The following PRPF40B variants were observed in gnomAD, a reference collection of about 807,000 sequenced individuals.
PRPF40B encodes pre-mRNA processing factor 40B, also known as pre-mRNA-processing factor 40 homolog B.
A neutral mutation model predicts 124.5 loss-of-function variants in PRPF40B; 56 were observed. That is an observed-to-expected ratio of 0.45 (90% confidence interval 0.36 to 0.56). The LOEUF is 0.56. PRPF40B is among the 20% of genes least tolerant of loss of function. The pLI is 0.00. For missense variants in PRPF40B, 1,053 were observed against 1,169.5 expected, an observed-to-expected ratio of 0.90 and a Z score of 1.45; for synonymous variants, 443 against 426.4, an observed-to-expected ratio of 1.04 and a Z score of -0.48.
intron 22 of PRPF40B, 59 bp from the exon 23 acceptor site, chr12:49,643,164 C>T (rs1942894909): frequency 1.9e-5 from 31 of 1,599,478 alleles, no homozygotes; most frequent in Middle Eastern, 3.4e-4. Context: ...AATTCCCAGA[C>T]GAGGGCTTCT....
At chr12:49,636,117 A>G (rs2138523091) in intron 15 of PRPF40B, 124 bp downstream of exon 15, 2 of 1,210,098 alleles carry the variant, frequency 1.7e-6, no homozygotes, top group South Asian at 1.5e-5. Context: ...GGAGTACTCA[A>G]CACTCACCCA....
In PRPF40B at chr12:49,642,203, G is replaced by A; in HGVS notation, c.1885-32G>A. ...TGGGACCTGGCATCCACCCTCCTGG[G>A]TGACCCTGTTCCGTGTCCCTTCTTT... On this transcript the variant is annotated intron_variant, in intron 19 of 25. Transcript: ENST00000548825. The surrounding 1 kb of genome is among the most constrained non-coding windows in gnomAD (Gnocchi z 5.8). The A allele has an allele frequency of 1.2e-6, 2 of 1,614,038 alleles. No homozygotes were observed. Among genetic ancestry groups the A allele is most frequent in the East Asian group, 2.2e-5 (1 of 44,888 alleles).
rs1033250041 is a variant in PRPF40B at position 49,635,314 on chromosome 12, T to G, written c.1166+51T>G. On this transcript the variant is annotated intron_variant, in intron 13 of 25. Coordinates refer to ENST00000548825, the MANE Select transcript of PRPF40B (RefSeq NM_001031698.3). This position sits in a 1 kb window ranked among gnomAD's most constrained non-coding sequence, Gnocchi z 4.1. Reference sequence around the variant, plus strand: ...CTTGGGAACCCTGAGAACACAAAGGTCCAGGGTCTCTGTTCTCTGTCTACC... The same window carrying G: ...CTTGGGAACCCTGAGAACACAAAGGGCCAGGGTCTCTGTTCTCTGTCTACC... 7 of 1,608,860 alleles carry G rather than the reference T, an allele frequency of 4.4e-6. No individual in the cohort carries two copies. Among genetic ancestry groups the G allele is most frequent in the Admixed American group, 3.4e-5 (2 of 59,420 alleles).
Position 49,642,143 on chromosome 12 carries a change from G to C in PRPF40B, c.1885-92G>C. ...TTCAGGGGATGGTGGTAGAAGCCCA[G>C]ACCCTAACTTTCCACCTCCTAAGGT... is the stretch of plus-strand genomic sequence containing the variant. On this transcript the variant is annotated intron_variant, in intron 19 of 25. Transcript: ENST00000548825. The surrounding 1 kb of genome is among the most constrained non-coding windows in gnomAD (Gnocchi z 5.8). 6.2e-7 allele frequency: 1 copy of C among 1,607,644 alleles called. No homozygotes were observed. Among genetic ancestry groups the C allele is most frequent in the Non-Finnish European group, 8.5e-7 (1 of 1,175,746 alleles).
intron 5 of PRPF40B, 28 bp downstream of exon 5, chr12:49,632,651 C>G: frequency 6.2e-7 from 1 of 1,612,576 alleles, no homozygotes; most frequent in African/African-American, 1.3e-5. Context: ...CTGCTCCCCC[C>G]AGGCTCGGAG....
chr12:49,623,972 T>G, intron 1 of PRPF40B: 12 of 1,043,344 alleles, frequency 1.2e-5, no homozygotes, highest in Non-Finnish European at 1.2e-5. Context: ...CTGGGATATT[T>G]GGTGTGCGAC....
At position 49,632,879 on chromosome 12, in the gene PRPF40B, C is replaced by T. The variant is rs780435012; in HGVS notation, c.347C>T (p.Pro116Leu). 28 of 1,613,588 alleles carry T rather than the reference C, an allele frequency of 1.7e-5. No individual in the cohort carries two copies. Among genetic ancestry groups the T allele is most frequent in the Middle Eastern group, 1.7e-4 (1 of 5,784 alleles). The change falls in exon 6 of 26, where the codon CCG (proline) becomes CTG (leucine). Residue 116 changes from proline to leucine, a missense_variant and splice_region_variant. Coordinates refer to ENST00000548825, the MANE Select transcript of PRPF40B (RefSeq NM_001031698.3). ...GCTGCTGTGGCTGGGACAGGCCCTC[C>T]GGTGAGTTCTTCCAGCTCAGGGGTC... ...ASSAVAGTGP[P>L]RALWSEHVAP...
At chr12:49,636,572 A>C (rs1592597050) in intron 15 of PRPF40B, 144 bp from the exon 16 acceptor site, 9 of 1,019,454 alleles carry the variant, frequency 8.8e-6, no homozygotes. Flanking sequence ...GGCTGCTCCC[A>C]CAGAGCCCCC....
intron 18 of PRPF40B, chr12:49,638,931 A>G (rs548578177): frequency 6.6e-6 from 1 of 152,350 alleles, no homozygotes; most frequent in Admixed American, 6.5e-5. Flanking sequence ...TTGCCTTACA[A>G]ATTCACGTAG....
At chr12:49,626,685 A>G (rs1940747014) in intron 1 of PRPF40B, among the ~76,000 whole-genome samples, 1 of 152,144 alleles carries the variant, frequency 6.6e-6, no homozygotes, top group Non-Finnish European at 1.5e-5. Flanking sequence ...GTTAGATGAA[A>G]GATTTTGTAG....
At chr12:49,641,029 G>A (rs1472248815) in intron 18 of PRPF40B, 1 of 152,304 alleles carries the variant, frequency 6.6e-6, no homozygotes, top group Non-Finnish European at 1.5e-5. Flanking sequence ...TGAGAGCTAT[G>A]TGGAGGGAGA....
chr12:49,643,078 T>C, intron 22 of PRPF40B, 62 bp downstream of exon 22: 1 of 1,598,032 alleles, frequency 6.3e-7, no homozygotes. Flanking sequence ...AATAAACACT[T>C]TGTTTTCCCC....
intron 22 of PRPF40B, 80 bp from the exon 23 acceptor site, chr12:49,643,143 C>T: frequency 1.3e-6 from 2 of 1,592,004 alleles, no homozygotes; most frequent in African/African-American, 1.3e-5. Context: ...CTGGGTCCTC[C>T]TCCTCTCTCG....
chr12:49,623,943 T>G, intron 1 of PRPF40B: 2 of 1,099,750 alleles, frequency 1.8e-6, no homozygotes, highest in East Asian at 5.1e-5. Context: ...AGGGGACAGG[T>G]GGGGACCAGT....
chr12:49,628,216 T>C (rs1180545109), intron 1 of PRPF40B, among the ~76,000 whole-genome samples: 1 of 152,230 alleles, frequency 6.6e-6, no homozygotes, highest in Non-Finnish European at 1.5e-5. Context: ...GTTTAGCTCA[T>C]ACCCTTTTCT....
chr12:49,641,522 A>G (rs1942649060), intron 18 of PRPF40B: 1 of 229,560 alleles, frequency 4.4e-6, no homozygotes, highest in Non-Finnish European at 8.6e-6. Context: ...TAAGCACTCA[A>G]TAAATAGACC....
rs1273240240 is a variant in PRPF40B, at chr12:49,633,976, A to C, written c.696A>C (p.Pro232=). ...CACCTGTGCCTCCTGGCCCCACCCC[A>C]GTGCCCACAGGCCTCCTGGAACCTG... The part of the protein sequence containing the change: ...DPPPVPPGPT[P]VPTGLLEPEP... Residue 232 remains proline, a synonymous_variant, in exon 10 of 26, where the codon CCA becomes CCC. Coordinates refer to ENST00000548825, the MANE Select transcript of PRPF40B (RefSeq NM_001031698.3). 1.2e-6 allele frequency: 2 copies of C among 1,614,114 alleles called. No individual in the cohort carries two copies. Among genetic ancestry groups the C allele is most frequent in the Non-Finnish European group, 1.7e-6 (2 of 1,179,992 alleles).
chr12:49,637,442 T>TC, intron 16 of PRPF40B, 28 bp from the exon 17 acceptor site: 1 of 1,526,020 alleles, frequency 6.6e-7, no homozygotes, highest in Non-Finnish European at 9.1e-7. Flanking sequence ...TGTCTCACTC[T>TC]CCCTATAACT....
In PRPF40B at chr12:49,642,589, C is replaced by T. The variant is rs1381582057; in HGVS notation, c.2032C>T (p.Arg678Cys). The T allele has an allele frequency of 2.5e-6, 4 of 1,614,192 alleles. No homozygotes were observed. Among genetic ancestry groups the T allele is most frequent in the East Asian group, 2.2e-5 (1 of 44,886 alleles). The part of the protein sequence containing the change: ...LGTAWEEVRE[R>C]FVCDSAFEQI... ...GCTCTCCTCGTTCAAGGTCCGTGAG[C>T]GTTTTGTGTGTGACTCAGCCTTTGA... is the stretch of plus-strand genomic sequence containing the variant. The change falls in exon 21 of 26, where the codon CGT (arginine) becomes TGT (cysteine). Residue 678 changes from arginine to cysteine, a missense_variant. Arg to Cys is a radical substitution (Grantham distance 180). Coordinates refer to ENST00000548825, the MANE Select transcript of PRPF40B (RefSeq NM_001031698.3). The surrounding 1 kb of genome is among the most constrained non-coding windows in gnomAD (Gnocchi z 5.8).
Sources: allele counts gnomAD v4.1 joint callset (sites outside exome capture counted in the v4.1 genomes callset), GRCh38; gene constraint gnomAD v4.1.1; non-coding constraint Gnocchi (gnomAD v3.1); transcripts MANE v1.5; gene names NCBI Gene and HGNC (gene_info 2026-07-23, HGNC 2026-07-21).